The following GAREM2 variants were observed in gnomAD, a reference collection of about 807,000 sequenced individuals.
GAREM2 encodes GRB2 associated regulator of MAPK1 subtype 2, also known as GRB2-associated and regulator of MAPK protein 2.
Under a neutral mutation model 55.6 loss-of-function variants are expected in GAREM2, and 30 were observed. The ratio of observed to expected loss-of-function variants is 0.54; its 90% CI spans 0.40 to 0.73. The LOEUF (loss-of-function observed/expected upper bound fraction) is 0.73. Ranked by LOEUF, GAREM2 falls within the 30% of genes least tolerant of loss-of-function variation. GAREM2 has a pLI of 0.00. For synonymous variants in GAREM2, 550 were observed against 569.1 expected (o/e 0.97, Z 0.48); for missense variants, 1,075 against 1,257.7 (o/e 0.85, Z 2.20).
chr2:26,176,586 AT>A, intron 2 of GAREM2, 102 bp downstream of exon 2: 1 of 1,149,380 alleles, frequency 8.7e-7, no homozygotes, highest in Middle Eastern at 2.6e-4. Flanking sequence ...CGAGGCGGTG[AT>A]TAGGGTTAGG....
intron 2 of GAREM2, chr2:26,181,115 T>A (rs1445201570): frequency 2.0e-6 from 2 of 985,388 alleles, no homozygotes; most frequent in Non-Finnish European, 2.4e-6. Flanking sequence ...CCGGTTATTT[T>A]AATAGAGCTG....
At chr2:26,193,732 C>A (rs752999034), downstream of GAREM2, 5 of 1,614,062 alleles carry the variant, frequency 3.1e-6, no homozygotes, top group Non-Finnish European at 4.2e-6. Context: ...AAAGCCAAAG[C>A]TTGTGGTCAG....
the GAREM2 span, chr2:26,204,057 C>T: frequency 6.2e-7 from 1 of 1,613,814 alleles, no homozygotes; most frequent in Non-Finnish European, 8.5e-7. Context: ...AGAGAGCAGG[C>T]TTACCCTTTG....
chr2:26,183,896 T>C (rs1450559343), intron 3 of GAREM2, among the ~76,000 whole-genome samples: 2 of 152,278 alleles, frequency 1.3e-5, no homozygotes, highest in African/African-American at 4.8e-5. Flanking sequence ...ATGATAAAAG[T>C]CGCCATTTAC....
chr2:26,196,662 G>GT, the GAREM2 span, among the ~76,000 whole-genome samples: 1 of 152,134 alleles, frequency 6.6e-6, no homozygotes, highest in Non-Finnish European at 1.5e-5. Flanking sequence ...ACTTTTAAAT[G>GT]AATGACAAAA....
In GAREM2 at chr2:26,186,296, G is replaced by A; in HGVS notation, c.1536G>A (p.Lys512=). The change falls in exon 5 of 6, where the codon AAG becomes AAA. Residue 512 remains lysine (K), a synonymous_variant. Coordinates refer to ENST00000401533, the MANE Select transcript of GAREM2 (RefSeq NM_001168241.2). ...CCCCGGTTCCCCCTCGCTTCCCCAA[G>A]CTGCAGCCGGTACATTCCCCCAGCT... ...SSPPVPPRFP[K]LQPVHSPSSS... The A allele has an allele frequency of 6.4e-7, 1 of 1,551,504 alleles. No homozygotes were observed. Among genetic ancestry groups the A allele is most frequent in the African/African-American group, 1.4e-5 (1 of 73,110 alleles).
chr2:26,195,157 TG>T, the GAREM2 span: 1 of 1,612,872 alleles, frequency 6.2e-7, no homozygotes, highest in South Asian at 1.1e-5. Flanking sequence ...CTGGTGTCTT[TG>T]GAAGTTTTCT....
intron 1 of GAREM2, among the ~76,000 whole-genome samples, chr2:26,173,675 G>A (rs1668772007): frequency 7.3e-6 from 1 of 137,022 alleles, no homozygotes; most frequent in South Asian, 2.5e-4. Context: ...CCCCGGCCGC[G>A]CCCCCTTGGT....
At position 26,187,501 on chromosome 2, in the gene GAREM2, CT is replaced by C; in HGVS notation, c.1872del (p.Phe624LeufsTer150). ...TCAAGCCCTCACATCCCCAGAAGCG[CT>C]TTGCTCCGTTTGGAGCTCTCAACCC... is the stretch of plus-strand genomic sequence containing the variant. ...LFKPSHPQKR[F>X]APFGALNPFS... On this transcript the variant is annotated frameshift_variant, in exon 6 of 6. Transcript: ENST00000401533. LOFTEE classifies it high-confidence loss of function. The C allele has an allele frequency of 6.5e-7, 1 of 1,544,958 alleles. No individual in the cohort carries two copies. The highest frequency in any genetic ancestry group is 1.2e-5 in the South Asian group (1 of 82,922).
At chr2:26,200,171 G>A in the GAREM2 span, among the ~76,000 whole-genome samples, 590 of 152,150 alleles carry the variant, frequency 3.9e-3, 2 homozygotes, top group African/African-American at 0.014. Flanking sequence ...ATTTTGAGAC[G>A]GAGTTTTGCT....
At chr2:26,174,815 G>C (rs1289739420) in intron 1 of GAREM2, among the ~76,000 whole-genome samples, 1 of 152,156 alleles carries the variant, frequency 6.6e-6, no homozygotes, top group Non-Finnish European at 1.5e-5. Context: ...ATGTTGTTTG[G>C]GTGACAAGCA....
At chr2:26,193,503 A>G, downstream of GAREM2, 1 of 1,227,318 alleles carries the variant, frequency 8.1e-7, no homozygotes, top group Non-Finnish European at 1.2e-6. Flanking sequence ...GGGCTTCTGT[A>G]ACTCTTTGGT....
At chr2:26,178,948 A>C (rs902583966) in intron 2 of GAREM2, among the ~76,000 whole-genome samples, 3 of 147,400 alleles carry the variant, frequency 2.0e-5, no homozygotes, top group African/African-American at 7.6e-5. Context: ...GTTAACGAGG[A>C]GGCGCTGAGT....
intron 2 of GAREM2, chr2:26,180,777 C>T: frequency 3.3e-6 from 1 of 304,350 alleles, no homozygotes; most frequent in Non-Finnish European, 4.8e-6. Context: ...CCACCACACC[C>T]AGAGAGTTTT....
At chr2:26,191,027 G>A (rs1669479923), downstream of GAREM2, 2 of 620,960 alleles carry the variant, frequency 3.2e-6, no homozygotes, top group East Asian at 5.6e-5. Context: ...TATACAATGA[G>A]CAGTGGGCTC....
At position 26,175,116 on chromosome 2, in the gene GAREM2, A is replaced by G. The variant is rs571228380; in HGVS notation, c.113-1228A>G. Among the ~76,000 whole-genome samples the G allele has an allele frequency of 4.2e-4, 64 of 152,174 alleles. 2 individuals carry two copies. Among genetic ancestry groups the G allele is most frequent in the Admixed American group, 4.1e-3 (63 of 15,292 alleles). On this transcript the variant is annotated intron_variant, in intron 1 of 5. Transcript: ENST00000401533. Reference sequence around the variant, plus strand: ...ACATACACACACACGCCTACCCCACATGTACACATTTTATGGAGCCCCCAG... The same window carrying G: ...ACATACACACACACGCCTACCCCACGTGTACACATTTTATGGAGCCCCCAG...
downstream of GAREM2, among the ~76,000 whole-genome samples, chr2:26,193,416 AC>A (rs1233475885): frequency 6.6e-6 from 1 of 150,700 alleles, no homozygotes; most frequent in Non-Finnish European, 1.5e-5. Context: ...AGTGGTTGCT[AC>A]CGCACCTGAC....
At chr2:26,191,429 C>T (rs372827257), downstream of GAREM2, 36 of 1,614,140 alleles carry the variant, frequency 2.2e-5, no homozygotes, top group East Asian at 6.7e-5. Flanking sequence ...TTGAAGGAGA[C>T]GCAACACGGG....
chr2:26,177,808 G>A (rs938139360), intron 2 of GAREM2, among the ~76,000 whole-genome samples: 3 of 152,018 alleles, frequency 2.0e-5, no homozygotes, highest in Non-Finnish European at 4.4e-5. Context: ...TGTATTTTTA[G>A]TAGAGACAGG....
Sources: gnomAD v4.1 joint callset for allele counts (sites outside exome capture counted in the v4.1 genomes callset) on GRCh38, gnomAD v4.1.1 for gene constraint, MANE v1.5 for transcripts, NCBI Gene and HGNC (gene_info 2026-07-23, HGNC 2026-07-21) for gene names.